The following SIX4 variants were observed in gnomAD, a reference collection of about 807,000 sequenced individuals.
SIX4 encodes SIX homeobox 4.
In SIX4, 23 loss-of-function variants were observed where a neutral mutation model predicts 51.5. The observed-to-expected ratio is 0.45, with a 90% CI of 0.32 to 0.63. The LOEUF is 0.63. Among genes scored for constraint, SIX4 ranks in the 30% least tolerant of loss-of-function variants. The pLI, the probability that SIX4 is intolerant of heterozygous loss-of-function variation, is 0.04. For synonymous variants in SIX4, 413 were observed against 417.3 expected (o/e 0.99, Z 0.13); for missense variants, 867 against 984.0 (o/e 0.88, Z 1.59).
chr14:60,723,068 CGAGGTAGGGGGCGGGGAGA>C (rs778812669), intron 1 of SIX4, 125 bp downstream of exon 1: 1 of 1,402,892 alleles, frequency 7.1e-7, no homozygotes, highest in South Asian at 1.6e-5. Flanking sequence ...GGCCGGGGAG[CGAGGTAGGGGGCGGGGAGA>C]GGTGGGCAGC....
In SIX4 at chr14:60,714,358, C is replaced by T. The variant is rs115884368; in HGVS notation, c.1550-155G>A. Among the ~76,000 whole-genome samples the T allele has an allele frequency of 3.9e-3, 591 of 152,218 alleles. 8 individuals are homozygous for T. Among genetic ancestry groups the T allele is most frequent in the African/African-American group, 0.014 (572 of 41,532 alleles). On this transcript the variant is annotated intron_variant, in intron 2 of 2. Coordinates refer to ENST00000216513, the MANE Select transcript of SIX4 (RefSeq NM_017420.5). ...TTCTGGTTCAGAATTACCTTGGGCA[C>T]CTAAAACTACAGATTCCCAGGCTCT... is the stretch of plus-strand genomic sequence containing the variant.
At position 60,724,203 on chromosome 14, in the gene SIX4, CCTG is replaced by C. The variant is rs1353686424; in HGVS notation, c.-132_-130del. 1 of 1,565,378 alleles carries C rather than the reference CCTG, an allele frequency of 6.4e-7. No individual in the cohort carries two copies. Reference sequence around the variant, plus strand: ...CCTCCGGAAAGCCCACTCCCTCCCTCCTGGTTTCGGCTGTATCTGGCCGATCAG... The same window carrying C: ...CCTCCGGAAAGCCCACTCCCTCCCTCGTTTCGGCTGTATCTGGCCGATCAG... On this transcript the variant is annotated 5_prime_UTR_variant, in exon 1 of 3. Coordinates refer to ENST00000216513, the MANE Select transcript of SIX4 (RefSeq NM_017420.5).
Position 60,724,292 on chromosome 14 carries a change from G to C in SIX4, c.-218C>G. On this transcript the variant is annotated 5_prime_UTR_variant, in exon 1 of 3. In the 5' UTR this introduces an upstream ATG that the reference lacks. Coordinates refer to ENST00000216513, the MANE Select transcript of SIX4 (RefSeq NM_017420.5). ...CTGTTAGAGCAAAGTAGTGTAAACG[G>C]ATAGCTGCTTTCTGCCGTTCCCCCA... The C allele has an allele frequency of 6.6e-7, 1 of 1,525,834 alleles. No homozygotes were observed. 94.5% of individuals were successfully genotyped at this position (1,525,834 alleles called of 1,614,324 possible).
In SIX4 at chr14:60,713,886, TG is replaced by T; in HGVS notation, c.1866del (p.Ser623ValfsTer6). 6.2e-7 allele frequency: 1 copy of T among 1,614,098 alleles called. No individual in the cohort carries two copies. Among genetic ancestry groups the T allele is most frequent in the Non-Finnish European group, 8.5e-7 (1 of 1,179,996 alleles). ...GTGGGATTTAGTAGTGTAGAGGGAC[TG>T]AGAGAAAAATTGTGAGTTGGAGATA... ...VNVSPTHNFS[L>X]SPSTLLNPTE... On this transcript the variant is annotated frameshift_variant, in exon 3 of 3. Coordinates refer to ENST00000216513, the MANE Select transcript of SIX4 (RefSeq NM_017420.5). LOFTEE classifies it high-confidence loss of function.
rs1566738553 is a variant in SIX4 at position 60,717,886 on chromosome 14, C to T, written c.1549+1874G>A. On this transcript the variant is annotated intron_variant, in intron 2 of 2. Transcript: ENST00000216513. The surrounding 1 kb of genome is among the most constrained non-coding windows in gnomAD (Gnocchi z 4.6). Reference sequence around the variant, plus strand: ...GATTAGCCGGTCATGGTGATGCACGCCTGTAGTCCCAGCTACTAGGGAGGC... The same window carrying T: ...GATTAGCCGGTCATGGTGATGCACGTCTGTAGTCCCAGCTACTAGGGAGGC... 1.8e-5 allele frequency: 3 copies of T among 162,920 alleles called. No individual in the cohort carries two copies. Among genetic ancestry groups the T allele is most frequent in the East Asian group, 1.8e-4 (1 of 5,464 alleles). 10.1% of individuals were successfully genotyped at this position (162,920 alleles called of 1,614,324 possible).
Position 60,713,547 on chromosome 14 carries a change from T to C in SIX4, c.2206A>G (p.Ser736Gly), listed in dbSNP as rs771541953. ...GATTTAGAGTCCAGCATCATTAAGC[T>C]ACTTGTTGCTTTGCTCTCAGAATTT... ...LSNSESKATS[S>G]LMMLDSKSKY... Residue 736 changes from serine (S) to glycine (G), a missense_variant, in exon 3 of 3, where the codon AGC (serine) becomes GGC (glycine). Transcript: ENST00000216513. 11 of 1,614,234 alleles carry C rather than the reference T, an allele frequency of 6.8e-6. No homozygotes were observed. Among genetic ancestry groups the C allele is most frequent in the Non-Finnish European group, 9.3e-6 (11 of 1,180,044 alleles).
At chr14:60,718,213 C>A (rs1895955166) in intron 2 of SIX4, among the ~76,000 whole-genome samples, 1 of 152,066 alleles carries the variant, frequency 6.6e-6, no homozygotes, top group African/African-American at 2.4e-5. Context: ...AACTGCAATA[C>A]CTAACTACCA....
Position 60,722,877 on chromosome 14 carries a change from G to T in SIX4, c.863+335C>A, listed in dbSNP as rs1896050070. ...TGCTTCGTTAGCCCCTCCAGAAACGGGGAGAGGGTGGCAACTTCAAAGCCA... is the reference window on the plus strand; with the variant it reads ...TGCTTCGTTAGCCCCTCCAGAAACGTGGAGAGGGTGGCAACTTCAAAGCCA... On this transcript the variant is annotated intron_variant, in intron 1 of 2. Transcript: ENST00000216513. The surrounding 1 kb of genome is among the most constrained non-coding windows in gnomAD (Gnocchi z 5.9). 6.6e-6 allele frequency among the ~76,000 whole-genome samples: 1 copy of T among 151,830 alleles called. No individual in the cohort carries two copies. Among genetic ancestry groups the T allele is most frequent in the Non-Finnish European group, 1.5e-5 (1 of 67,914 alleles).
chr14:60,719,908 C>A lies in SIX4; in HGVS notation c.1401G>T (p.Gly467=), dbSNP rs1895989431. Residue 467 remains glycine, a synonymous_variant, in exon 2 of 3, where the codon GGG becomes GGT. Transcript: ENST00000216513. This position sits in a 1 kb window ranked among gnomAD's most constrained non-coding sequence, Gnocchi z 4.9. ...CTGGTGTAGTAAAAGTCACTACAGA[C>A]CCTCCATCTTGGGAAGCCACTGTTT... The part of the protein sequence containing the change: ...GIQTVASQDG[G]SVVTFTTPVQ... The A allele has an allele frequency of 1.9e-6, 3 of 1,614,058 alleles. No individual in the cohort carries two copies. The East Asian group carries it at 6.7e-5, about 36-fold the overall frequency.
rs1349666064 is a variant in SIX4 at position 60,723,037 on chromosome 14, C to G, written c.863+175G>C. On this transcript the variant is annotated intron_variant, in intron 1 of 2. Coordinates refer to ENST00000216513, the MANE Select transcript of SIX4 (RefSeq NM_017420.5). ...AGGGAGGTTCCCCCGCCCCCCGCCT[C>G]CGCCGCCCCCTACCTCTGCCGGCCG... The G allele has an allele frequency of 2.1e-6, 3 of 1,397,322 alleles. No homozygotes were observed. The South Asian group carries it at 4.8e-5, about 22-fold the overall frequency. 86.6% of individuals were successfully genotyped at this position (1,397,322 alleles called of 1,614,324 possible). A position where few individuals can be genotyped will look rare whatever the true frequency, so the allele number is the denominator to read the frequency against.
At chr14:60,721,892 T>C (rs1264700304) in intron 1 of SIX4, among the ~76,000 whole-genome samples, 2 of 152,202 alleles carry the variant, frequency 1.3e-5, no homozygotes, top group East Asian at 3.9e-4. Flanking sequence ...CGCACGCACA[T>C]CCCGGTGCAC....
At position 60,722,957 on chromosome 14, in the gene SIX4, A is replaced by C; in HGVS notation, c.863+255T>G. The C allele has an allele frequency of 2.1e-5, 11 of 536,272 alleles. No individual in the cohort carries two copies. The highest frequency in any genetic ancestry group is 2.2e-5 in the Non-Finnish European group (7 of 325,322). The allele number at this position is 536,272 out of a possible 1,614,324, so 33.2% of individuals were successfully genotyped here. On this transcript the variant is annotated intron_variant, in intron 1 of 2. Transcript: ENST00000216513. This position sits in a 1 kb window ranked among gnomAD's most constrained non-coding sequence, Gnocchi z 5.9. ...GTGACCAGCCGAGGTGGGGGCGGGG[A>C]CTGAGACCTAGGCGGGCGACCAGAA... is the stretch of plus-strand genomic sequence containing the variant.
chr14:60,724,112 G>A lies in SIX4; in HGVS notation c.-38C>T. 6.3e-7 allele frequency: 1 copy of A among 1,589,212 alleles called. No homozygotes were observed. The highest frequency in any genetic ancestry group is 2.3e-5 in the East Asian group (1 of 44,408). The stretch of plus-strand genomic sequence containing the variant: ...ATTTTCCTCCCTCCCTCACTCCCTC[G>A]CACTCTTTTCCTCTTTCTTTCCTCC... On this transcript the variant is annotated 5_prime_UTR_variant, in exon 1 of 3. Transcript: ENST00000216513.
chr14:60,723,675 A>G lies in SIX4; in HGVS notation c.400T>C (p.Trp134Arg). 2.5e-6 allele frequency: 4 copies of G among 1,579,840 alleles called. No individual in the cohort carries two copies. The East Asian group carries it at 9.4e-5, about 37-fold the overall frequency. Residue 134 changes from tryptophan to arginine, a missense_variant, in exon 1 of 3, where the codon TGG becomes CGG. Transcript: ENST00000216513. ...AGCAGGTCGCTCTGGGGCAGGGACC[A>G]CAGGAACCGGGCCAGGCGGTCCAGG... ...GNLDRLARFLWSLPQSDLLRG... is the reference protein window; with the variant it reads ...GNLDRLARFLRSLPQSDLLRG...
rs962150032 is a variant in SIX4, at chr14:60,720,856, C to T, written c.864-411G>A. ...TTCCTGTTTAGGAACTCCTTCCCCTCCCCTCAAACCAATTCAGATTAGTGT... is the reference window on the plus strand; with the variant it reads ...TTCCTGTTTAGGAACTCCTTCCCCTTCCCTCAAACCAATTCAGATTAGTGT... On this transcript the variant is annotated intron_variant, in intron 1 of 2. Transcript: ENST00000216513. The surrounding 1 kb of genome is among the most constrained non-coding windows in gnomAD (Gnocchi z 5.5). 21 of 699,716 alleles carry T rather than the reference C, an allele frequency of 3.0e-5. No homozygotes were observed. Among genetic ancestry groups the T allele is most frequent in the Non-Finnish European group, 3.5e-5 (20 of 564,060 alleles). The allele number at this position is 699,716 out of a possible 1,614,324, so 43.3% of individuals were successfully genotyped here.
rs1895936257 is a variant in SIX4 at position 60,717,323 on chromosome 14, TAG to T, written c.1549+2435_1549+2436del. 6.6e-6 allele frequency among the ~76,000 whole-genome samples: 1 copy of T among 152,166 alleles called. No homozygotes were observed. Among genetic ancestry groups the T allele is most frequent in the East Asian group, 1.9e-4 (1 of 5,194 alleles). On this transcript the variant is annotated intron_variant, in intron 2 of 2. Coordinates refer to ENST00000216513, the MANE Select transcript of SIX4 (RefSeq NM_017420.5). This position sits in a 1 kb window ranked among gnomAD's most constrained non-coding sequence, Gnocchi z 4.6. ...CTGACCTCAGGTGATCCACCCGCCT[TAG>T]CCTCCTAAAGTGCTGGGATTAACAG...
chr14:60,713,602 C>T lies in SIX4; in HGVS notation c.2151G>A (p.Ser717=), dbSNP rs533152427. ...FVQEHRLVLQ[S]VANMKENFLS... ...AGAAATTCTCTTTCATGTTAGCTACCGATTGCAGAACCAAACGATGTTCTT... is the reference window on the plus strand; with the variant it reads ...AGAAATTCTCTTTCATGTTAGCTACTGATTGCAGAACCAAACGATGTTCTT... Residue 717 remains serine, a synonymous_variant, in exon 3 of 3, where the codon TCG becomes TCA. Coordinates refer to ENST00000216513, the MANE Select transcript of SIX4 (RefSeq NM_017420.5). 27 of 1,614,182 alleles carry T rather than the reference C, an allele frequency of 1.7e-5. No homozygotes were observed. Among genetic ancestry groups the T allele is most frequent in the Admixed American group, 1.5e-4 (9 of 60,020 alleles).
chr14:60,721,492 G>A (rs948480510), intron 1 of SIX4, among the ~76,000 whole-genome samples: 1 of 152,352 alleles, frequency 6.6e-6, no homozygotes, highest in Non-Finnish European at 1.5e-5. Flanking sequence ...AGCGCAGAAA[G>A]CGCTTTGATT....
At chr14:60,715,028 AC>A (rs1483913418) in intron 2 of SIX4, among the ~76,000 whole-genome samples, 2 of 151,466 alleles carry the variant, frequency 1.3e-5, no homozygotes, top group Admixed American at 1.3e-4. Flanking sequence ...TGTTTGTTAC[AC>A]GGGTATATTG....
Sources: gnomAD v4.1 joint callset for allele counts (sites outside exome capture counted in the v4.1 genomes callset) on GRCh38, gnomAD v4.1.1 for gene constraint, Gnocchi (gnomAD v3.1) non-coding constraint, MANE v1.5 for transcripts, NCBI Gene and HGNC (gene_info 2026-07-23, HGNC 2026-07-21) for gene names.